The following GLIS3 variants were observed in gnomAD, a reference collection of about 807,000 sequenced individuals.
GLIS3 encodes GLIS family zinc finger 3.
GLIS3 carries 53 observed loss-of-function variants against 78.6 expected under a neutral mutation model. That is an observed-to-expected ratio of 0.67 (90% CI 0.54 to 0.85). The LOEUF is 0.85. Among genes scored for constraint, GLIS3 ranks in the 40% least tolerant of loss-of-function variants. The probability of loss-of-function intolerance (pLI) is 0.00; values close to 1 mark genes in which losing one functional copy is unlikely to be tolerated. For missense variants in GLIS3, 1,703 were observed against 1,231.1 expected, an observed-to-expected ratio of 1.38 and a Z score of -5.74; for synonymous variants, 684 against 509.9, an observed-to-expected ratio of 1.34 and a Z score of -4.60.
chr9:3,942,955 G>T (rs1816040870), intron 4 of GLIS3, among the ~76,000 whole-genome samples: 1 of 152,080 alleles, frequency 6.6e-6, no homozygotes, highest in African/African-American at 2.4e-5. Context: ...CACCTTAGGT[G>T]GTGAAACAGT....
intron 4 of GLIS3, among the ~76,000 whole-genome samples, chr9:4,063,766 C>G (rs566234027): frequency 6.6e-6 from 1 of 152,192 alleles, no homozygotes; most frequent in South Asian, 2.1e-4. Flanking sequence ...GATGAGAGTT[C>G]AGTAGGTTGG....
At chr9:4,029,452 T>G (rs928895408) in intron 4 of GLIS3, among the ~76,000 whole-genome samples, 2 of 152,200 alleles carry the variant, frequency 1.3e-5, no homozygotes, top group African/African-American at 2.4e-5. Context: ...ATCCTTCGAG[T>G]TACAAATAAT....
At chr9:4,265,234 G>C (rs890025354) in intron 2 of GLIS3, among the ~76,000 whole-genome samples, 2 of 151,676 alleles carry the variant, frequency 1.3e-5, no homozygotes, top group Admixed American at 6.6e-5. Context: ...TCTGGTGAAA[G>C]GTGATAGGAA....
chr9:4,140,594 G>A (rs1000527509), intron 2 of GLIS3, among the ~76,000 whole-genome samples: 1 of 152,062 alleles, frequency 6.6e-6, no homozygotes, highest in East Asian at 1.9e-4. Flanking sequence ...CTTCCTCCCA[G>A]AAGTCCCCCA....
intron 4 of GLIS3, among the ~76,000 whole-genome samples, chr9:4,089,345 CA>C (rs1829302517): frequency 6.6e-6 from 1 of 151,850 alleles, no homozygotes; most frequent in Non-Finnish European, 1.5e-5. Context: ...GAGTGGATAA[CA>C]TTTTTTTTTC....
chr9:4,331,179 A>G (rs574449086), intron 2 of GLIS3, among the ~76,000 whole-genome samples: 59 of 152,322 alleles, frequency 3.9e-4, no homozygotes, highest in East Asian at 1.9e-3. Flanking sequence ...TGAAAGCTCT[A>G]GAGATGAATC....
At chr9:4,242,445 G>C (rs539302175) in intron 2 of GLIS3, among the ~76,000 whole-genome samples, 4 of 152,100 alleles carry the variant, frequency 2.6e-5, no homozygotes, top group African/African-American at 9.7e-5. Context: ...TCCCTCTGAG[G>C]TGAAACCAAC....
intron 7 of GLIS3, among the ~76,000 whole-genome samples, chr9:3,882,262 C>T (rs1164901574): frequency 1.3e-5 from 2 of 152,132 alleles, no homozygotes; most frequent in Non-Finnish European, 2.9e-5. Flanking sequence ...AGGACAGGGA[C>T]AGAAAGGAAC....
At chr9:3,917,067 C>T (rs576986337) in intron 6 of GLIS3, among the ~76,000 whole-genome samples, 1 of 152,220 alleles carries the variant, frequency 6.6e-6, no homozygotes, top group East Asian at 1.9e-4. Context: ...GGGAATTTCT[C>T]AAATGTTGCA....
the GLIS3 span, among the ~76,000 whole-genome samples, chr9:4,376,065 A>G: frequency 1.3e-3 from 200 of 152,278 alleles, no homozygotes; most frequent in Admixed American, 3.6e-3. Context: ...GAAACACCAG[A>G]CAAAATATAA....
chr9:3,949,448 G>C (rs1013905898), intron 4 of GLIS3, among the ~76,000 whole-genome samples: 6 of 152,144 alleles, frequency 3.9e-5, no homozygotes, highest in African/African-American at 1.4e-4. Context: ...TGGCATAAAA[G>C]AGTCAACATG....
At chr9:3,851,726 C>G (rs985090456) in intron 9 of GLIS3, among the ~76,000 whole-genome samples, 1 of 152,036 alleles carries the variant, frequency 6.6e-6, no homozygotes, top group South Asian at 2.1e-4. Context: ...ACTTGTAACC[C>G]TTCATAGCTC....
chr9:4,454,508 C>T, the GLIS3 span, among the ~76,000 whole-genome samples: 2 of 152,188 alleles, frequency 1.3e-5, no homozygotes, highest in African/African-American at 4.8e-5. Context: ...GTCCAGGTCC[C>T]TTTGCCCTAC....
At chr9:4,489,886 G>C in the GLIS3 span, among the ~76,000 whole-genome samples, 3 of 152,328 alleles carry the variant, frequency 2.0e-5, no homozygotes, top group East Asian at 1.9e-4. Context: ...TCGAAGAGGA[G>C]AATAATCCCT....
chr9:3,849,772 G>A (rs914292689), intron 9 of GLIS3, among the ~76,000 whole-genome samples: 3 of 152,190 alleles, frequency 2.0e-5, no homozygotes, highest in Non-Finnish European at 4.4e-5. Context: ...AGCCAGGCAT[G>A]GTGGTATGTG....
At chr9:4,230,974 G>C (rs911959255) in intron 2 of GLIS3, among the ~76,000 whole-genome samples, 1 of 152,082 alleles carries the variant, frequency 6.6e-6, no homozygotes, top group Admixed American at 6.5e-5. Flanking sequence ...TGGGAGACTG[G>C]AGTGGGATGA....
rs187733718 is a variant in GLIS3 at position 4,330,114 on chromosome 9, T to A, written n.264+16967A>T. Among the ~76,000 whole-genome samples, 150 of 152,250 alleles carry A rather than the reference T, an allele frequency of 9.9e-4. 1 individual carries two copies. The highest frequency in any genetic ancestry group is 2.7e-3 in the Admixed American group (41 of 15,290). ...TGACCAAAACTTACTTTTAGGAAATTCAGTGTAGACTCCCAAAACCCACAT... is the reference window on the plus strand; with the variant it reads ...TGACCAAAACTTACTTTTAGGAAATACAGTGTAGACTCCCAAAACCCACAT... On this transcript the variant is annotated intron_variant and non_coding_transcript_variant, in intron 2 of 4. Transcript: ENST00000471664.
chr9:4,477,683 G>A, the GLIS3 span, among the ~76,000 whole-genome samples: 2 of 152,082 alleles, frequency 1.3e-5, no homozygotes, highest in Non-Finnish European at 2.9e-5. Flanking sequence ...CAAAGTGCTG[G>A]GATTACAGGC....
At chr9:4,012,765 C>CTTTTTTTTTTTTTTTTTTTTTTTTTTTGT (rs71324278) in intron 4 of GLIS3, among the ~76,000 whole-genome samples, 1 of 66,476 alleles carries the variant, frequency 1.5e-5, no homozygotes, top group Non-Finnish European at 2.8e-5. Context: ...TTTTCTTTTT[C>CTTTTTTTTTTTTTTTTTTTTTTTTTTTGT]TTTTTTTTTT....
Sources: gnomAD v4.1 joint callset for allele counts (sites outside exome capture counted in the v4.1 genomes callset) on GRCh38, gnomAD v4.1.1 for gene constraint, MANE v1.5 for transcripts, NCBI Gene and HGNC (gene_info 2026-07-23, HGNC 2026-07-21) for gene names.